Variants in NEGR1 observed in about 807,000 individuals in gnomAD.
NEGR1 encodes neuronal growth regulator 1.
A neutral mutation model predicts 40.9 loss-of-function variants in NEGR1; 10 were observed. That is an observed-to-expected ratio of 0.24 (90% confidence interval 0.15 to 0.42). The LOEUF (loss-of-function observed/expected upper bound fraction) is 0.42. NEGR1 is among the 10% of genes least tolerant of loss of function. The probability of loss-of-function intolerance (pLI) is 1.00; values close to 1 mark genes in which losing one functional copy is unlikely to be tolerated. For synonymous variants in NEGR1, 185 were observed against 166.8 expected, an observed-to-expected ratio of 1.11 and a Z score of -0.84; for missense variants, 352 against 438.9, an observed-to-expected ratio of 0.80 and a Z score of 1.77.
chr1:71,663,881 A>G (rs1396106512), intron 4 of NEGR1, among the ~76,000 whole-genome samples: 1 of 152,206 alleles, frequency 6.6e-6, no homozygotes, highest in Non-Finnish European at 1.5e-5. Context: ...TGTTTCTCAG[A>G]CTTCTCTCTT....
chr1:71,814,014 A>C (rs951998036), intron 2 of NEGR1, among the ~76,000 whole-genome samples: 1 of 152,102 alleles, frequency 6.6e-6, no homozygotes, highest in Non-Finnish European at 1.5e-5. Flanking sequence ...GCCAGTTTTC[A>C]AGGGGAATGC....
intron 3 of NEGR1, among the ~76,000 whole-genome samples, chr1:71,734,978 G>A (rs1655000772): frequency 6.6e-6 from 1 of 151,736 alleles, no homozygotes; most frequent in Non-Finnish European, 1.5e-5. Context: ...GCATCTTTAA[G>A]TTCAATCAAT....
intron 5 of NEGR1, among the ~76,000 whole-genome samples, chr1:71,593,462 A>G (rs1037419283): frequency 1.3e-5 from 2 of 152,188 alleles, no homozygotes; most frequent in Admixed American, 1.3e-4. Flanking sequence ...TCCAGAGTCA[A>G]CACCACTTTA....
At chr1:71,467,094 C>T (rs1646751670) in intron 6 of NEGR1, among the ~76,000 whole-genome samples, 1 of 152,014 alleles carries the variant, frequency 6.6e-6, no homozygotes, top group Non-Finnish European at 1.5e-5. Context: ...TATTCACATA[C>T]ATTATAAAGT....
chr1:71,659,867 A>C (rs1651999942), intron 4 of NEGR1, among the ~76,000 whole-genome samples: 1 of 152,008 alleles, frequency 6.6e-6, no homozygotes, highest in South Asian at 2.1e-4. Flanking sequence ...ACACTTATAC[A>C]CTCTTTGTGG....
intron 1 of NEGR1, among the ~76,000 whole-genome samples, chr1:72,256,691 T>C (rs529639433): frequency 3.3e-5 from 5 of 152,294 alleles, no homozygotes; most frequent in Non-Finnish European, 5.9e-5. Context: ...TAAACAAAAA[T>C]GTTAGTGCTA....
chr1:71,810,521 T>C (rs762547597), intron 2 of NEGR1, among the ~76,000 whole-genome samples: 41 of 152,040 alleles, frequency 2.7e-4, no homozygotes. Context: ...TTTTAATGAG[T>C]TTACTGAAAG....
intron 1 of NEGR1, among the ~76,000 whole-genome samples, chr1:72,180,442 CCACAAAAG>C (rs1278894775): frequency 6.6e-6 from 1 of 151,070 alleles, no homozygotes. Context: ...AAATCTCAGG[CCACAAAAG>C]CAAAAATAAA....
chr1:72,036,956 T>TG (rs2100449165), intron 1 of NEGR1, among the ~76,000 whole-genome samples: 1 of 152,216 alleles, frequency 6.6e-6, no homozygotes, highest in East Asian at 1.9e-4. Flanking sequence ...AAATGGATGA[T>TG]GTAAATCCTA....
intron 2 of NEGR1, among the ~76,000 whole-genome samples, chr1:71,901,404 C>T (rs1382861105): frequency 6.6e-6 from 1 of 152,112 alleles, no homozygotes; most frequent in South Asian, 2.1e-4. Context: ...ATGTAGGCCC[C>T]ATGAGAGCAG....
At chr1:71,740,802 T>C (rs1655189937) in intron 3 of NEGR1, among the ~76,000 whole-genome samples, 1 of 152,124 alleles carries the variant, frequency 6.6e-6, no homozygotes, top group Admixed American at 6.6e-5. Context: ...CTACTTTTAC[T>C]AGTACTTGCA....
intron 4 of NEGR1, among the ~76,000 whole-genome samples, chr1:71,668,614 T>C (rs1652317390): frequency 6.6e-6 from 1 of 152,174 alleles, no homozygotes; most frequent in Non-Finnish European, 1.5e-5. Context: ...AAAGGACTTA[T>C]ATTCACTTTA....
intron 4 of NEGR1, among the ~76,000 whole-genome samples, chr1:71,624,644 C>G (rs1456823389): frequency 2.0e-5 from 3 of 151,856 alleles, no homozygotes; most frequent in Non-Finnish European, 2.9e-5. Flanking sequence ...ACTTCAGAGT[C>G]TTTTTACTTG....
At chr1:71,432,368 T>A (rs1646475498) in intron 6 of NEGR1, among the ~76,000 whole-genome samples, 1 of 152,212 alleles carries the variant, frequency 6.6e-6, no homozygotes, top group South Asian at 2.1e-4. Context: ...TATACATAGT[T>A]TTTGCTATGG....
intron 1 of NEGR1, among the ~76,000 whole-genome samples, chr1:71,977,065 G>C (rs987582551): frequency 2.0e-5 from 3 of 152,150 alleles, no homozygotes; most frequent in African/African-American, 7.2e-5. Context: ...GCTCATGGCT[G>C]TAATCTCAGG....
chr1:72,247,452 C>A (rs1654938006), intron 1 of NEGR1, among the ~76,000 whole-genome samples: 1 of 152,174 alleles, frequency 6.6e-6, no homozygotes, highest in Non-Finnish European at 1.5e-5. Context: ...CTAGAAATTT[C>A]TTTCACCAGA....
intron 1 of NEGR1, among the ~76,000 whole-genome samples, chr1:72,072,805 T>C (rs925709659): frequency 6.6e-6 from 1 of 152,138 alleles, no homozygotes; most frequent in African/African-American, 2.4e-5. Flanking sequence ...GATCTGCCAA[T>C]GCGGTCTCAT....
Position 72,135,098 on chromosome 1 carries a change from C to T in NEGR1, c.176+147221G>A, listed in dbSNP as rs1471706450. 5.4e-5 allele frequency among the ~76,000 whole-genome samples: 8 copies of T among 148,174 alleles called. No individual in the cohort carries two copies. The East Asian group carries it at 6.5e-4, about 12-fold the overall frequency. ...CAGTATGTAAGAAATAACTTTCGGC[C>T]GGGCGTGGTGGCTCAGGCCTGTAAT... On this transcript the variant is annotated intron_variant, in intron 1 of 6. Coordinates refer to ENST00000357731, the MANE Select transcript of NEGR1 (RefSeq NM_173808.3).
chr1:71,873,254 G>T (rs112021252), intron 2 of NEGR1, among the ~76,000 whole-genome samples: 21,496 of 151,032 alleles, frequency 0.14, 1,591 homozygotes, highest in African/African-American at 0.19. Context: ...GAAAACATAT[G>T]TAAATATATA....
Sources: allele counts gnomAD v4.1 joint callset (sites outside exome capture counted in the v4.1 genomes callset), GRCh38; gene constraint gnomAD v4.1.1; transcripts MANE v1.5; gene names NCBI Gene and HGNC (gene_info 2026-07-23, HGNC 2026-07-21).